The following R3HDM2 variants were observed in gnomAD, a reference collection of about 807,000 sequenced individuals.
R3HDM2 encodes R3H domain-containing protein 2.
Under a neutral mutation model 124.5 loss-of-function variants are expected in R3HDM2, and 38 were observed. The observed-to-expected ratio is 0.31, with a 90% CI of 0.24 to 0.40. R3HDM2 has a LOEUF of 0.40. Among genes scored for constraint, R3HDM2 ranks in the 10% least tolerant of loss-of-function variants. The pLI is 1.00. For synonymous variants in R3HDM2, 391 were observed against 448.0 expected (o/e 0.87, Z 1.61); for missense variants, 869 against 1,236.9 (o/e 0.70, Z 4.46).
intron 2 of R3HDM2, among the ~76,000 whole-genome samples, chr12:57,318,793 T>G (rs1045914248): frequency 6.6e-6 from 1 of 152,222 alleles, no homozygotes; most frequent in Non-Finnish European, 1.5e-5. Context: ...TCATTTAATC[T>G]TACAATGATC....
rs2043206214 is a variant in R3HDM2, at chr12:57,269,858, G to A, written c.1481C>T (p.Ala494Val). The A allele has an allele frequency of 1.2e-6, 2 of 1,614,164 alleles. No homozygotes were observed. The highest frequency in any genetic ancestry group is 1.7e-6 in the Non-Finnish European group (2 of 1,180,036). The change falls in exon 15 of 24, where the codon GCT becomes GTT. Residue 494 changes from alanine (A) to valine (V), a missense_variant. Transcript: ENST00000402412. The part of the protein sequence containing the change: ...QHPQQTSFIM[A>V]STGQPLPTSN... ...AGTGGGGAGGGGCTGACCCGTGGAA[G>A]CCATGATGAAGCTAGTCTGCTGAGG... is the stretch of plus-strand genomic sequence containing the variant.
chr12:57,281,442 A>C (rs1430709072), intron 13 of R3HDM2, among the ~76,000 whole-genome samples: 5 of 152,168 alleles, frequency 3.3e-5, no homozygotes, highest in African/African-American at 1.2e-4. Context: ...TGAACTAAAG[A>C]CATAAAGATG....
chr12:57,272,868 C>G (rs2043911028), intron 14 of R3HDM2, among the ~76,000 whole-genome samples: 1 of 152,166 alleles, frequency 6.6e-6, no homozygotes, highest in African/African-American at 2.4e-5. Flanking sequence ...TGAGGACTCT[C>G]AGGGTCAGGG....
intron 1 of R3HDM2, among the ~76,000 whole-genome samples, chr12:57,428,447 C>T (rs920102395): frequency 7.0e-6 from 1 of 143,536 alleles, no homozygotes; most frequent in African/African-American, 2.6e-5. Context: ...CTGGCTAACA[C>T]AGTGAAACCC....
chr12:57,357,997 TAGAC>T (rs1230799046), intron 2 of R3HDM2, among the ~76,000 whole-genome samples: 10 of 151,668 alleles, frequency 6.6e-5, no homozygotes, highest in Middle Eastern at 6.8e-3. Flanking sequence ...TTTTTTTTTT[TAGAC>T]AGAGTTTCTC....
In R3HDM2 at chr12:57,257,827, A is replaced by G. The variant is rs372365772; in HGVS notation, c.2449+163T>C. Among the ~76,000 whole-genome samples, 9 of 152,372 alleles carry G rather than the reference A, an allele frequency of 5.9e-5. No individual in the cohort carries two copies. In the South Asian group the frequency reaches 1.9e-3, roughly 32 times the overall value. ...AGCATGGACAGCACTAGAGAGGGGCAAGTGTCCAAGGCCTATACAGGGATG... is the reference window on the plus strand; with the variant it reads ...AGCATGGACAGCACTAGAGAGGGGCGAGTGTCCAAGGCCTATACAGGGATG... On this transcript the variant is annotated intron_variant, in intron 21 of 23. Transcript: ENST00000402412.
intron 18 of R3HDM2, among the ~76,000 whole-genome samples, chr12:57,267,165 G>A (rs2042615896): frequency 6.6e-6 from 1 of 151,620 alleles, no homozygotes. Flanking sequence ...CAGAAACACA[G>A]ACAAAGAGAG....
At chr12:57,283,578 A>C (rs934573096) in intron 13 of R3HDM2, among the ~76,000 whole-genome samples, 5 of 152,100 alleles carry the variant, frequency 3.3e-5, no homozygotes, top group African/African-American at 1.2e-4. Flanking sequence ...ACCTCTACTA[A>C]AAATACAAAA....
intron 2 of R3HDM2, among the ~76,000 whole-genome samples, chr12:57,325,229 A>G (rs546430951): frequency 2.5e-4 from 38 of 151,854 alleles, no homozygotes; most frequent in Non-Finnish European, 4.3e-4. Flanking sequence ...TACAACCTCC[A>G]CCTCCCGGGT....
At chr12:57,430,326 G>A (rs1869467242) in intron 1 of R3HDM2, among the ~76,000 whole-genome samples, 1 of 152,128 alleles carries the variant, frequency 6.6e-6, no homozygotes, top group Non-Finnish European at 1.5e-5. Flanking sequence ...ACACCAGCAT[G>A]ATTTTAAACA....
rs1247846777 is a variant in R3HDM2, at chr12:57,366,460, TAA to T, written c.-36+29287_-36+29288del. On this transcript the variant is annotated intron_variant, in intron 2 of 23. Coordinates refer to ENST00000402412, the MANE Select transcript of R3HDM2 (RefSeq NM_001394031.1). Reference sequence around the variant, plus strand: ...TCTCAGACACTGCAGTTTTCGTTTTTAAAAGTTAGATTTTGGTCATTTTTATA... The same window carrying T: ...TCTCAGACACTGCAGTTTTCGTTTTTAAGTTAGATTTTGGTCATTTTTATA... 4.6e-5 allele frequency among the ~76,000 whole-genome samples: 7 copies of T among 152,372 alleles called. No individual in the cohort carries two copies. The South Asian group carries it at 1.4e-3, about 32-fold the overall frequency.
At chr12:57,402,802 C>T (rs1369044813) in intron 1 of R3HDM2, among the ~76,000 whole-genome samples, 2 of 152,060 alleles carry the variant, frequency 1.3e-5, no homozygotes, top group Non-Finnish European at 2.9e-5. Flanking sequence ...AGTGATCCAC[C>T]TGCCTTGGCC....
At chr12:57,354,793 C>T (rs1323442891) in intron 2 of R3HDM2, among the ~76,000 whole-genome samples, 1 of 151,972 alleles carries the variant, frequency 6.6e-6, no homozygotes, top group Non-Finnish European at 1.5e-5. Flanking sequence ...CAGTATGAAA[C>T]TTGCATTTTC....
At chr12:57,313,381 G>A (rs1236099395) in intron 2 of R3HDM2, among the ~76,000 whole-genome samples, 1 of 151,794 alleles carries the variant, frequency 6.6e-6, no homozygotes, top group Non-Finnish European at 1.5e-5. Context: ...ACAACACAGT[G>A]AGACCCTGTC....
At chr12:57,315,159 TC>T (rs2054750459) in intron 2 of R3HDM2, among the ~76,000 whole-genome samples, 1 of 151,944 alleles carries the variant, frequency 6.6e-6, no homozygotes, top group Non-Finnish European at 1.5e-5. Flanking sequence ...TGCCTCACCC[TC>T]CCAAGTAGCT....
intron 2 of R3HDM2, among the ~76,000 whole-genome samples, chr12:57,340,005 C>A (rs1274200355): frequency 6.6e-6 from 1 of 152,094 alleles, no homozygotes; most frequent in Admixed American, 6.5e-5. Context: ...CTTTCAATAG[C>A]TTTTCTTTTT....
At chr12:57,396,624 C>T (rs1247544055) in intron 1 of R3HDM2, among the ~76,000 whole-genome samples, 4 of 151,528 alleles carry the variant, frequency 2.6e-5, no homozygotes, top group Non-Finnish European at 5.9e-5. Context: ...TGAAAAAACA[C>T]AAAAATTAGC....
intron 1 of R3HDM2, among the ~76,000 whole-genome samples, chr12:57,399,470 C>T (rs1284981741): frequency 6.6e-6 from 1 of 152,092 alleles, no homozygotes; most frequent in Non-Finnish European, 1.5e-5. Flanking sequence ...ACACTTTGTC[C>T]TAGCCTTCTA....
Position 57,323,562 on chromosome 12 carries a change from G to A in R3HDM2, c.-35-13099C>T, listed in dbSNP as rs1308879754. Among the ~76,000 whole-genome samples, 6 of 152,344 alleles carry A rather than the reference G, an allele frequency of 3.9e-5. No individual in the cohort carries two copies. The East Asian group carries it at 7.7e-4, about 20-fold the overall frequency. On this transcript the variant is annotated intron_variant, in intron 2 of 23. Coordinates refer to ENST00000402412, the MANE Select transcript of R3HDM2 (RefSeq NM_001394031.1). Reference sequence around the variant, plus strand: ...TGTAACTGCAAAAGGATTCACTGGTGTGTAAGGAAACCCATAGGAACTGGC... The same window carrying A: ...TGTAACTGCAAAAGGATTCACTGGTATGTAAGGAAACCCATAGGAACTGGC...
Sources: gnomAD v4.1 joint callset for allele counts (sites outside exome capture counted in the v4.1 genomes callset) on GRCh38, gnomAD v4.1.1 for gene constraint, MANE v1.5 for transcripts, NCBI Gene and HGNC (gene_info 2026-07-23, HGNC 2026-07-21) for gene names.